CPOX: variants seen among roughly 807,000 people sequenced by gnomAD.
The protein encoded by CPOX is coproporphyrinogen oxidase.
Under a neutral mutation model 48.9 loss-of-function variants are expected in CPOX, and 24 were observed. That is an observed-to-expected ratio of 0.49 (90% CI 0.36 to 0.69). The LOEUF is 0.69. Ranked by LOEUF, CPOX falls within the 30% of genes least tolerant of loss-of-function variation. CPOX has a pLI of 0.00. For missense variants in CPOX, 549 were observed against 597.3 expected, an observed-to-expected ratio of 0.92 and a Z score of 0.84; for synonymous variants, 249 against 234.6, an observed-to-expected ratio of 1.06 and a Z score of -0.56.
intron 5 of CPOX, among the ~76,000 whole-genome samples, chr3:98,583,181 C>T (rs575220641): frequency 1.3e-5 from 2 of 152,094 alleles, no homozygotes; most frequent in Non-Finnish European, 2.9e-5. Flanking sequence ...GTGAAGGATG[C>T]CCCTTTCTCT....
Position 98,593,603 on chromosome 3 carries a change from G to C in CPOX, c.-99C>G. ...GAGTATTGAGCCGGCGAGCTGCACA[G>C]GCGGAAAGAACCTTTCGAGAAGAGC... On this transcript the variant is annotated 5_prime_UTR_variant, in exon 1 of 7. Transcript: ENST00000647941. 1 of 1,295,846 alleles carries C rather than the reference G, an allele frequency of 7.7e-7. No homozygotes were observed. The highest frequency in any genetic ancestry group is 1.0e-6 in the Non-Finnish European group (1 of 964,674). 80.3% of individuals were successfully genotyped at this position (1,295,846 alleles called of 1,614,324 possible). A position where few individuals can be genotyped will look rare whatever the true frequency, so the allele number is the denominator to read the frequency against.
At chr3:98,575,674 A>G (rs1402540865), downstream of CPOX, among the ~76,000 whole-genome samples, 1 of 151,070 alleles carries the variant, frequency 6.6e-6, no homozygotes, top group Non-Finnish European at 1.5e-5. Flanking sequence ...TCATGCCTGT[A>G]ATCCCAGCAC....
intron 4 of CPOX, among the ~76,000 whole-genome samples, chr3:98,586,837 G>A (rs548831322): frequency 2.0e-5 from 3 of 152,074 alleles, no homozygotes; most frequent in South Asian, 2.1e-4. Context: ...CCAGCTACTC[G>A]GGAGGCTGAG....
At chr3:98,586,730 G>A (rs1707371199) in intron 4 of CPOX, among the ~76,000 whole-genome samples, 1 of 152,136 alleles carries the variant, frequency 6.6e-6, no homozygotes. Flanking sequence ...GGATCACGAG[G>A]TCAGGAGATC....
intron 4 of CPOX, among the ~76,000 whole-genome samples, chr3:98,587,305 T>C (rs1429159858): frequency 6.6e-6 from 1 of 152,114 alleles, no homozygotes; most frequent in Non-Finnish European, 1.5e-5. Context: ...ACCCAAATCA[T>C]ACTATTTCAA....
downstream of CPOX, among the ~76,000 whole-genome samples, chr3:98,576,841 G>A (rs940595077): frequency 5.3e-5 from 8 of 152,020 alleles, no homozygotes; most frequent in African/African-American, 1.7e-4. Flanking sequence ...TTGATACTAC[G>A]ATATATTGCA....
Position 98,580,181 on chromosome 3 carries a change from T to A in CPOX, c.*502A>T, listed in dbSNP as rs948097000. ...ATATTATGTTCTCTGGAGAAAGATATATAAGGATTACAGCAGAGACTTCAG... is the reference window on the plus strand; with the variant it reads ...ATATTATGTTCTCTGGAGAAAGATAAATAAGGATTACAGCAGAGACTTCAG... On this transcript the variant is annotated 3_prime_UTR_variant, in exon 7 of 7. Transcript: ENST00000647941. 1 of 986,298 alleles carries A rather than the reference T, an allele frequency of 1.0e-6. No homozygotes were observed. Among genetic ancestry groups the A allele is most frequent in the Non-Finnish European group, 1.2e-6 (1 of 829,628 alleles). The allele number at this position is 986,298 out of a possible 1,614,324, so 61.1% of individuals were successfully genotyped here.
intron 1 of CPOX, among the ~76,000 whole-genome samples, chr3:98,592,484 A>C (rs1483647889): frequency 6.6e-6 from 1 of 152,158 alleles, no homozygotes; most frequent in Non-Finnish European, 1.5e-5. Flanking sequence ...GAAGATTCTG[A>C]CACAATGACA....
intron 4 of CPOX, among the ~76,000 whole-genome samples, chr3:98,586,432 A>G (rs1455625518): frequency 2.0e-5 from 3 of 152,202 alleles, no homozygotes; most frequent in Non-Finnish European, 4.4e-5. Flanking sequence ...AAGGTACTAT[A>G]AACAATCTCT....
At chr3:98,572,769 T>C in the CPOX span, among the ~76,000 whole-genome samples, 1 of 152,218 alleles carries the variant, frequency 6.6e-6, no homozygotes, top group Non-Finnish European at 1.5e-5. Context: ...AGCCAAGCTT[T>C]ATGGTCATTA....
At position 98,581,490 on chromosome 3, in the gene CPOX, C is replaced by T. The variant is rs748835805; in HGVS notation, c.1194G>A (p.Leu398=). 1.2e-6 allele frequency: 2 copies of T among 1,613,684 alleles called. No homozygotes were observed. Among genetic ancestry groups the T allele is most frequent in the African/African-American group, 2.7e-5 (2 of 74,904 alleles). ...GGCCAAACTTTGTGCCCCGATCATA[C>T]AGCAGATTAAATTCTACATACCTGC... is the stretch of plus-strand genomic sequence containing the variant. ...RRGRYVEFNL[L]YDRGTKFGLF... The change falls in exon 6 of 7, where the codon CTG becomes CTA. Residue 398 remains leucine, a synonymous_variant. Transcript: ENST00000647941.
Position 98,579,595 on chromosome 3 carries a change from T to C in CPOX, c.*1088A>G. 2.0e-6 allele frequency: 2 copies of C among 985,136 alleles called. No individual in the cohort carries two copies. The highest frequency in any genetic ancestry group is 3.5e-5 in the African/African-American group (2 of 57,368). 61.0% of individuals were successfully genotyped at this position (985,136 alleles called of 1,614,324 possible). ...GATATGTATGAGATGCTCTTCCTTA[T>C]AAACTTTATTACGAAGCAAATAAAA... is the stretch of plus-strand genomic sequence containing the variant. On this transcript the variant is annotated 3_prime_UTR_variant, in exon 7 of 7. Coordinates refer to ENST00000647941, the MANE Select transcript of CPOX (RefSeq NM_000097.7).
chr3:98,591,812 G>A (rs1707483181), intron 1 of CPOX, among the ~76,000 whole-genome samples: 1 of 152,122 alleles, frequency 6.6e-6, no homozygotes, highest in Admixed American at 6.5e-5. Context: ...AGATGATCCA[G>A]TACAACCCTC....
the CPOX span, among the ~76,000 whole-genome samples, chr3:98,571,653 A>G: frequency 1.4e-5 from 2 of 146,626 alleles, no homozygotes; most frequent in African/African-American, 5.1e-5. Flanking sequence ...CCGCCACTGC[A>G]CTCCAGCCTG....
intron 5 of CPOX, among the ~76,000 whole-genome samples, chr3:98,584,509 T>C (rs1201832350): frequency 6.6e-6 from 1 of 152,160 alleles, no homozygotes; most frequent in Non-Finnish European, 1.5e-5. Flanking sequence ...TACACAAATG[T>C]TTATCTTTAG....
intron 4 of CPOX, among the ~76,000 whole-genome samples, chr3:98,586,383 A>T (rs554948444): frequency 1.2e-4 from 19 of 152,282 alleles, no homozygotes; most frequent in Non-Finnish European, 1.9e-4. Context: ...CATGGTGCAA[A>T]TCCAAGCTCT....
At chr3:98,574,049 C>T in the CPOX span, among the ~76,000 whole-genome samples, 1 of 152,160 alleles carries the variant, frequency 6.6e-6, no homozygotes, top group African/African-American at 2.4e-5. Flanking sequence ...TCCACTTCTT[C>T]AATTATCACT....
chr3:98,593,337 C>G lies in CPOX; in HGVS notation c.168G>C (p.Thr56=), dbSNP rs1245371831. The change falls in exon 1 of 7, where the codon ACG becomes ACC. Residue 56 remains threonine (T), a synonymous_variant. Coordinates refer to ENST00000647941, the MANE Select transcript of CPOX (RefSeq NM_000097.7). ...CGTGCCCCAGCCCGCGGCTCTGCTCCGTGCCAGCCGGGCCAGGGGGCCGGC... is the reference window on the plus strand; with the variant it reads ...CGTGCCCCAGCCCGCGGCTCTGCTCGGTGCCAGCCGGGCCAGGGGGCCGGC... ...RVCRPPGPAG[T]EQSRGLGHGS... The G allele has an allele frequency of 9.6e-6, 13 of 1,352,682 alleles. No individual in the cohort carries two copies. The highest frequency in any genetic ancestry group is 1.1e-5 in the Non-Finnish European group (12 of 1,064,800). The allele number at this position is 1,352,682 out of a possible 1,614,324, so 83.8% of individuals were successfully genotyped here. A position where few individuals can be genotyped will look rare whatever the true frequency, so the allele number is the denominator to read the frequency against.
Position 98,579,563 on chromosome 3 carries a change from C to T in CPOX, c.*1120G>A, listed in dbSNP as rs548611832. On this transcript the variant is annotated 3_prime_UTR_variant, in exon 7 of 7. Coordinates refer to ENST00000647941, the MANE Select transcript of CPOX (RefSeq NM_000097.7). ...AATCACAAACATTCAACGTGTTCCA[C>T]GATAATGATATGTATGAGATGCTCT... 14 of 985,314 alleles carry T rather than the reference C, an allele frequency of 1.4e-5. No homozygotes were observed. The highest frequency in any genetic ancestry group is 2.3e-4 in the East Asian group (2 of 8,816). 61.0% of individuals were successfully genotyped at this position (985,314 alleles called of 1,614,324 possible).
Sources: allele counts gnomAD v4.1 joint callset (sites outside exome capture counted in the v4.1 genomes callset), GRCh38; gene constraint gnomAD v4.1.1; transcripts MANE v1.5; gene names NCBI Gene and HGNC (gene_info 2026-07-23, HGNC 2026-07-21).